Variants in CTSO observed in about 807,000 individuals in gnomAD.
CTSO encodes the protein cathepsin O.
CTSO carries 40 observed loss-of-function variants against 42.4 expected under a neutral mutation model. The ratio of observed to expected loss-of-function variants is 0.94; its 90% CI spans 0.73 to 1.23. The LOEUF (loss-of-function observed/expected upper bound fraction) is 1.23, where lower values mean the gene tolerates loss of function less well. CTSO is among the 50% of genes most tolerant of loss of function. The pLI, the probability that CTSO is intolerant of heterozygous loss-of-function variation, is 0.00. For missense variants in CTSO, 441 were observed against 396.0 expected (o/e 1.11, Z -0.96); for synonymous variants, 156 against 146.2 (o/e 1.07, Z -0.48).
chr4:155,943,589 A>T (rs188480239), intron 1 of CTSO, among the ~76,000 whole-genome samples: 1 of 152,320 alleles, frequency 6.6e-6, no homozygotes, highest in Admixed American at 6.5e-5. Flanking sequence ...CTGCAAATAA[A>T]CACTAGATAC....
chr4:155,929,030 C>T (rs996248432), intron 6 of CTSO, among the ~76,000 whole-genome samples: 4 of 152,168 alleles, frequency 2.6e-5, no homozygotes, highest in East Asian at 1.9e-4. Flanking sequence ...AACACCTGGC[C>T]GAACCCTGGG....
In CTSO at chr4:155,924,179, C is replaced by G. The variant is rs1248076458; in HGVS notation, c.*1857G>C. On this transcript the variant is annotated 3_prime_UTR_variant, in exon 8 of 8. Transcript: ENST00000433477. ...TTGTAAATGTCATCAAAATCCAGAA[C>G]AGCAGAAACATATTAATCAGTTTGA... 2.6e-5 allele frequency: 4 copies of G among 152,152 alleles called. No individual in the cohort carries two copies. The highest frequency in any genetic ancestry group is 1.9e-4 in the East Asian group (1 of 5,192). 9.4% of individuals were successfully genotyped at this position (152,152 alleles called of 1,614,324 possible). A position where few individuals can be genotyped will look rare whatever the true frequency, so the allele number is the denominator to read the frequency against.
intron 6 of CTSO, among the ~76,000 whole-genome samples, chr4:155,929,130 GTCAGACCTATC>G (rs1425307650): frequency 7.9e-5 from 12 of 152,308 alleles, no homozygotes; most frequent in Admixed American, 1.3e-4. Flanking sequence ...CAGACAACTA[GTCAGACCTATC>G]CCTTTATTTC....
intron 3 of CTSO, among the ~76,000 whole-genome samples, chr4:155,940,735 A>G (rs1468109941): frequency 6.6e-6 from 1 of 151,842 alleles, no homozygotes; most frequent in Non-Finnish European, 1.5e-5. Context: ...CCCAGCTACT[A>G]AGGAGGCTGA....
intron 7 of CTSO, 27 bp from the exon 8 acceptor site, chr4:155,926,097 T>G: frequency 6.6e-7 from 1 of 1,505,628 alleles, no homozygotes; most frequent in Non-Finnish European, 9.1e-7. Context: ...GAATTATTAG[T>G]CTATTTCCTC....
At chr4:155,950,956 T>C (rs891254363) in intron 1 of CTSO, among the ~76,000 whole-genome samples, 1 of 152,084 alleles carries the variant, frequency 6.6e-6, no homozygotes, top group African/African-American at 2.4e-5. Context: ...TAAAGCTTTC[T>C]TGGATAAAGC....
At chr4:155,950,846 C>T (rs963711379) in intron 1 of CTSO, among the ~76,000 whole-genome samples, 8 of 67,236 alleles carry the variant, frequency 1.2e-4, no homozygotes, top group African/African-American at 3.2e-4. Context: ...GCATCCTCCT[C>T]ACCCCACCCC....
Position 155,939,407 on chromosome 4 carries a change from T to A in CTSO, c.516A>T (p.Gly172=). ...DCSYNNYGCN[G]GSTLNALNWL... ...AGTTCAAAGCATTGAGAGTAGAGCC[T>A]CCATTGCAGCCATAATTATTATACG... is the stretch of plus-strand genomic sequence containing the variant. The change falls in exon 4 of 8, where the codon GGA becomes GGT. Residue 172 remains glycine (G), a synonymous_variant. Coordinates refer to ENST00000433477, the MANE Select transcript of CTSO (RefSeq NM_001334.3). 1.9e-6 allele frequency: 3 copies of A among 1,614,030 alleles called. No homozygotes were observed. The highest frequency in any genetic ancestry group is 2.2e-5 in the South Asian group (2 of 91,066).
intron 4 of CTSO, 74 bp downstream of exon 4, chr4:155,939,297 T>C: frequency 3.8e-6 from 5 of 1,303,046 alleles, no homozygotes; most frequent in Non-Finnish European, 5.3e-6. Context: ...GTGAACAAAC[T>C]GTTTGAATTT....
intron 7 of CTSO, 122 bp from the exon 8 acceptor site, chr4:155,926,192 T>C (rs923068996): frequency 6.2e-6 from 4 of 643,838 alleles, no homozygotes; most frequent in Non-Finnish European, 1.1e-5. Context: ...ATGTAATGCT[T>C]ATCACAGCTT....
rs563349868 is a variant in CTSO at position 155,945,340 on chromosome 4, G to A, written c.136-2076C>T. On this transcript the variant is annotated intron_variant, in intron 1 of 7. Transcript: ENST00000433477. ...TTTACCAATATTAGGAATGAAAGAA[G>A]AGCCATGATTACAGATGCTTCAGGC... Among the ~76,000 whole-genome samples, 69 of 152,160 alleles carry A rather than the reference G, an allele frequency of 4.5e-4. 1 individual carries two copies. Among genetic ancestry groups the A allele is most frequent in the Admixed American group, 4.1e-3 (62 of 15,282 alleles).
At chr4:155,935,405 T>C (rs1743312202) in intron 5 of CTSO, among the ~76,000 whole-genome samples, 1 of 152,194 alleles carries the variant, frequency 6.6e-6, no homozygotes, top group South Asian at 2.1e-4. Flanking sequence ...GGCTTCATCA[T>C]TGTTCTAACA....
chr4:155,936,864 G>C (rs1428452315), intron 5 of CTSO, among the ~76,000 whole-genome samples: 1 of 152,022 alleles, frequency 6.6e-6, no homozygotes, highest in Non-Finnish European at 1.5e-5. Context: ...TTTTCAAATG[G>C]CTGATGTCTT....
At chr4:155,940,330 G>T (rs190785047) in intron 3 of CTSO, among the ~76,000 whole-genome samples, 20 of 152,014 alleles carry the variant, frequency 1.3e-4, no homozygotes, top group Admixed American at 1.3e-3. Flanking sequence ...AAAGGCAGAA[G>T]AGAGTAGGAT....
At chr4:155,944,024 C>T (rs78708934) in intron 1 of CTSO, among the ~76,000 whole-genome samples, 10,503 of 152,164 alleles carry the variant, frequency 0.069, 508 homozygotes, top group South Asian at 0.17. Flanking sequence ...CCAACCCTAG[C>T]GCTTCTACAT....
chr4:155,942,314 T>A lies in CTSO; in HGVS notation c.384+3A>T, dbSNP rs200625786. On this transcript the variant is annotated splice_donor_region_variant and intron_variant, in intron 3 of 7. Transcript: ENST00000433477. ...TTAGAAAAGAAGAGGGATTTCAACG[T>A]ACCATCTGCTGGTTTCTCACTTGTG... 1.1e-5 allele frequency: 17 copies of A among 1,559,914 alleles called. No homozygotes were observed. Among genetic ancestry groups the A allele is most frequent in the Non-Finnish European group, 1.4e-5 (16 of 1,156,192 alleles).
intron 7 of CTSO, among the ~76,000 whole-genome samples, chr4:155,926,730 C>G (rs1034877754): frequency 6.6e-6 from 1 of 152,144 alleles, no homozygotes; most frequent in Non-Finnish European, 1.5e-5. Context: ...CAGGCATGCC[C>G]TTAAAGATTT....
At position 155,938,938 on chromosome 4, in the gene CTSO, CAG is replaced by C. The variant is rs1560787822; in HGVS notation, c.552+431_552+432del. Among the ~76,000 whole-genome samples, 5 of 152,082 alleles carry C rather than the reference CAG, an allele frequency of 3.3e-5. No homozygotes were observed. In the South Asian group the frequency reaches 8.3e-4, roughly 25 times the overall value. On this transcript the variant is annotated intron_variant, in intron 4 of 7. Transcript: ENST00000433477. ...TGCCACTGTACTCCAGCCTGGGTGA[CAG>C]AGTGAGACTCTGTCTCAAAAACAAC...
At position 155,937,413 on chromosome 4, in the gene CTSO, GA is replaced by G. The variant is rs1215268126; in HGVS notation, c.622del (p.Ser208LeufsTer35). ...KAQNGLCHYF[S>X]GSHSGFSIKG... ...GATTGAAAATCCAGAATGTGAACCA[GA>G]AAAGTAATGGCACAGACCATTTTGT... On this transcript the variant is annotated frameshift_variant, in exon 5 of 8. Coordinates refer to ENST00000433477, the MANE Select transcript of CTSO (RefSeq NM_001334.3). LOFTEE classifies it high-confidence loss of function. The G allele has an allele frequency of 6.2e-7, 1 of 1,612,556 alleles. No individual in the cohort carries two copies. Among genetic ancestry groups the G allele is most frequent in the African/African-American group, 1.3e-5 (1 of 75,014 alleles).
Sources: gnomAD v4.1 joint callset for allele counts (sites outside exome capture counted in the v4.1 genomes callset) on GRCh38, gnomAD v4.1.1 for gene constraint, MANE v1.5 for transcripts, NCBI Gene and HGNC (gene_info 2026-07-23, HGNC 2026-07-21) for gene names.